Variants in ACOT12 observed in about 807,000 individuals in gnomAD.
ACOT12 encodes the protein acetyl-coenzyme A thioesterase.
In ACOT12, 51 loss-of-function variants were observed where a neutral mutation model predicts 67.7. That is an observed-to-expected ratio of 0.75 (90% CI 0.60 to 0.95). ACOT12 has a LOEUF of 0.95. ACOT12 is among the 40% of genes least tolerant of loss of function. The pLI, the probability that ACOT12 is intolerant of heterozygous loss-of-function variation, is 0.00. For synonymous variants in ACOT12, 251 were observed against 244.6 expected, an observed-to-expected ratio of 1.03 and a Z score of -0.24; for missense variants, 734 against 708.1, an observed-to-expected ratio of 1.04 and a Z score of -0.41.
intron 2 of ACOT12, among the ~76,000 whole-genome samples, chr5:81,379,372 C>G (rs1218415322): frequency 6.6e-6 from 1 of 151,928 alleles, no homozygotes; most frequent in East Asian, 1.9e-4. Flanking sequence ...GGAGAAATAC[C>G]TAATGTTGAT....
chr5:81,393,458 G>A (rs763696970), intron 1 of ACOT12, among the ~76,000 whole-genome samples: 5 of 152,138 alleles, frequency 3.3e-5, no homozygotes, highest in East Asian at 1.9e-4. Context: ...TTGGGAGGCT[G>A]GGGCCTCCCA....
chr5:81,331,535 T>C (rs1485350074), intron 13 of ACOT12, among the ~76,000 whole-genome samples: 2 of 152,160 alleles, frequency 1.3e-5, no homozygotes, highest in African/African-American at 4.8e-5. Flanking sequence ...TCTAAAATAA[T>C]AATAATAAAA....
At chr5:81,365,015 G>A (rs1376404298) in intron 3 of ACOT12, among the ~76,000 whole-genome samples, 3 of 152,164 alleles carry the variant, frequency 2.0e-5, no homozygotes, top group Non-Finnish European at 4.4e-5. Flanking sequence ...GAAGGTAGCT[G>A]AGACACTTTA....
At chr5:81,329,271 G>T (rs1339113345), downstream of ACOT12, among the ~76,000 whole-genome samples, 2 of 152,122 alleles carry the variant, frequency 1.3e-5, no homozygotes, top group African/African-American at 4.8e-5. Context: ...TACTAATTTT[G>T]TTGACTTTTT....
At chr5:81,355,444 C>A (rs1265531764) in intron 5 of ACOT12, among the ~76,000 whole-genome samples, 1 of 152,100 alleles carries the variant, frequency 6.6e-6, no homozygotes, top group Non-Finnish European at 1.5e-5. Context: ...TTATGTCAAG[C>A]AAAAGAAGTA....
intron 10 of ACOT12, among the ~76,000 whole-genome samples, chr5:81,343,012 T>C (rs1759249608): frequency 6.6e-6 from 1 of 152,090 alleles, no homozygotes; most frequent in Non-Finnish European, 1.5e-5. Flanking sequence ...TGAAACCCCA[T>C]TTCTACGAAA....
At chr5:81,345,773 A>G in intron 7 of ACOT12, 112 bp downstream of exon 7, 1 of 1,401,014 alleles carries the variant, frequency 7.1e-7, no homozygotes, top group Non-Finnish European at 9.7e-7. Context: ...AAATTGCATG[A>G]AAAAAATGGA....
chr5:81,379,984 A>G (rs1760531632), intron 2 of ACOT12, among the ~76,000 whole-genome samples: 1 of 152,196 alleles, frequency 6.6e-6, no homozygotes, highest in Non-Finnish European at 1.5e-5. Context: ...TTGCACACAT[A>G]TTGTTACTCT....
intron 2 of ACOT12, among the ~76,000 whole-genome samples, chr5:81,379,700 G>A (rs1760524686): frequency 6.6e-6 from 1 of 152,108 alleles, no homozygotes; most frequent in South Asian, 2.1e-4. Context: ...TCAGGTTTCT[G>A]GTAAATAATT....
At chr5:81,311,308 G>A in the ACOT12 span, 2 of 1,605,616 alleles carry the variant, frequency 1.2e-6, no homozygotes, top group Non-Finnish European at 8.5e-7. Context: ...TACTTAGAAG[G>A]GGTGAGATTA....
At chr5:81,330,776 C>A (rs751098204) in intron 14 of ACOT12, 38 bp downstream of exon 14, 1 of 1,601,146 alleles carries the variant, frequency 6.2e-7, no homozygotes. Context: ...CGCTATCTGG[C>A]AGAGCCAATT....
downstream of ACOT12, among the ~76,000 whole-genome samples, chr5:81,329,837 C>CAAGT (rs10626203): frequency 0.56 from 84,812 of 151,512 alleles, 24,155 homozygotes; most frequent in Admixed American, 0.7. Context: ...TTAAATGACA[C>CAAGT]AAAGTTGTTC....
Position 81,372,208 on chromosome 5 carries a change from CA to C in ACOT12, c.198-399del, listed in dbSNP as rs1292706523. Reference sequence around the variant, plus strand: ...GTTAATACATAAATGGACAAATATACAAAAAGGCAAGCAAGCAAACTGATCA... The same window carrying C: ...GTTAATACATAAATGGACAAATATACAAAAGGCAAGCAAGCAAACTGATCA... On this transcript the variant is annotated intron_variant, in intron 2 of 14. Coordinates refer to ENST00000307624, the MANE Select transcript of ACOT12 (RefSeq NM_130767.3). Among the ~76,000 whole-genome samples, 3 of 152,260 alleles carry C rather than the reference CA, an allele frequency of 2.0e-5. No homozygotes were observed. The East Asian group carries it at 5.8e-4, about 29-fold the overall frequency.
chr5:81,362,449 A>T (rs1759943715), intron 4 of ACOT12, among the ~76,000 whole-genome samples: 1 of 152,196 alleles, frequency 6.6e-6, no homozygotes, highest in Non-Finnish European at 1.5e-5. Context: ...TACAGGCATG[A>T]GCCACCATGC....
intron 3 of ACOT12, among the ~76,000 whole-genome samples, chr5:81,367,633 A>C (rs1166523475): frequency 6.6e-6 from 1 of 152,220 alleles, no homozygotes; most frequent in Non-Finnish European, 1.5e-5. Context: ...GCTCTAAAAA[A>C]TGCAGGAAAA....
chr5:81,360,895 C>G (rs918288316), intron 4 of ACOT12, among the ~76,000 whole-genome samples: 1 of 151,530 alleles, frequency 6.6e-6, no homozygotes, highest in Non-Finnish European at 1.5e-5. Flanking sequence ...CTGGCCAACA[C>G]GTTGAAACAC....
At chr5:81,319,759 T>A in the ACOT12 span, among the ~76,000 whole-genome samples, 2 of 151,270 alleles carry the variant, frequency 1.3e-5, no homozygotes, top group East Asian at 3.9e-4. Flanking sequence ...CAGTCATTCA[T>A]CCTTCCTATC....
intron 11 of ACOT12, among the ~76,000 whole-genome samples, chr5:81,341,427 A>G (rs770950949): frequency 6.6e-6 from 1 of 152,274 alleles, no homozygotes; most frequent in Non-Finnish European, 1.5e-5. Flanking sequence ...AAGTAACAAT[A>G]TAATTTATCA....
chr5:81,389,431 A>G (rs1347406773), intron 1 of ACOT12, among the ~76,000 whole-genome samples: 1 of 152,164 alleles, frequency 6.6e-6, no homozygotes, highest in Non-Finnish European at 1.5e-5. Flanking sequence ...TTGTTCTCCT[A>G]TATACGGTGT....
Sources: allele counts gnomAD v4.1 joint callset (sites outside exome capture counted in the v4.1 genomes callset), GRCh38; gene constraint gnomAD v4.1.1; transcripts MANE v1.5; gene names NCBI Gene and HGNC (gene_info 2026-07-23, HGNC 2026-07-21).